The following BACH1 variants were observed in gnomAD, a reference collection of about 807,000 sequenced individuals.
BACH1 encodes BTB domain and CNC homolog 1, also known as transcription regulator protein BACH1.
In BACH1, 35 loss-of-function variants were observed where a neutral mutation model predicts 52.9. That is an observed-to-expected ratio of 0.66 (90% CI 0.51 to 0.88). The LOEUF (loss-of-function observed/expected upper bound fraction) is 0.88. Ranked by LOEUF, BACH1 falls within the 40% of genes least tolerant of loss-of-function variation. The probability of loss-of-function intolerance (pLI) is 0.00; values close to 1 mark genes in which losing one functional copy is unlikely to be tolerated. For missense variants in BACH1, 808 were observed against 872.6 expected (o/e 0.93, Z 0.93); for synonymous variants, 321 against 319.6 (o/e 1.00, Z -0.05).
chr21:29,307,493 T>C (rs1569007160), intron 1 of BACH1, among the ~76,000 whole-genome samples: 1 of 152,230 alleles, frequency 6.6e-6, no homozygotes, highest in Non-Finnish European at 1.5e-5. Context: ...CCCACTGTTT[T>C]ACTTTCAGCA....
chr21:29,322,588 T>C (rs889338870), intron 2 of BACH1, among the ~76,000 whole-genome samples: 8 of 152,198 alleles, frequency 5.3e-5, no homozygotes, highest in Non-Finnish European at 1.2e-4. Context: ...GGCTGTGGCA[T>C]TGGGACACAA....
In BACH1 at chr21:29,342,450, C is replaced by G; in HGVS notation, c.1828C>G (p.Leu610Val). The change falls in exon 5 of 5, where the codon CTG (leucine) becomes GTG (valine). Residue 610 changes from leucine to valine, a missense_variant. Transcript: ENST00000286800. ...GGAAAGAGATCACATTTTGTCAACT[C>G]TGGGTGAGACAAAGCAGAACCTAAC... ...LKERDHILST[L>V]GETKQNLTGL... The G allele has an allele frequency of 6.2e-7, 1 of 1,614,176 alleles. No homozygotes were observed. Among genetic ancestry groups the G allele is most frequent in the African/African-American group, 1.3e-5 (1 of 75,030 alleles).
At chr21:29,338,164 G>A (rs932866241) in intron 4 of BACH1, among the ~76,000 whole-genome samples, 3 of 152,176 alleles carry the variant, frequency 2.0e-5, no homozygotes, top group African/African-American at 7.2e-5. Context: ...AAAACCTGTC[G>A]ATGATTTTAA....
At chr21:29,335,610 C>G (rs2089035662) in intron 4 of BACH1, among the ~76,000 whole-genome samples, 1 of 152,294 alleles carries the variant, frequency 6.6e-6, no homozygotes, top group African/African-American at 2.4e-5. Context: ...CATAAGCAAC[C>G]ATATACTCTG....
At chr21:29,306,667 G>A (rs944896490) in intron 1 of BACH1, among the ~76,000 whole-genome samples, 3 of 152,178 alleles carry the variant, frequency 2.0e-5, no homozygotes, top group Non-Finnish European at 2.9e-5. Flanking sequence ...GTGTTGTGCA[G>A]TTAACAGTGA....
intron 3 of BACH1, 143 bp from the exon 4 acceptor site, chr21:29,329,344 T>TTAAAAA: frequency 5.7e-6 from 3 of 530,174 alleles, no homozygotes; most frequent in South Asian, 5.0e-5. Flanking sequence ...TTTGAGATTG[T>TTAAAAA]ATAGAAATTG....
chr21:29,325,913 G>C, intron 2 of BACH1, 146 bp from the exon 3 acceptor site: 1 of 886,678 alleles, frequency 1.1e-6, no homozygotes, highest in Non-Finnish European at 1.6e-6. Context: ...TTTCTTAGAA[G>C]AATATGTTTT....
downstream of BACH1, among the ~76,000 whole-genome samples, chr21:29,349,764 T>C (rs2089191736): frequency 6.6e-6 from 1 of 152,148 alleles, no homozygotes; most frequent in African/African-American, 2.4e-5. Context: ...AAGAATATAA[T>C]TTTTCTTGGA....
At chr21:29,302,440 G>T (rs2088613947) in intron 1 of BACH1, among the ~76,000 whole-genome samples, 1 of 152,190 alleles carries the variant, frequency 6.6e-6, no homozygotes, top group Non-Finnish European at 1.5e-5. Flanking sequence ...TGACAAAGAA[G>T]CAGTAAGCAG....
Position 29,326,847 on chromosome 21 carries a change from A to C in BACH1, c.1023A>C (p.Gln341His), listed in dbSNP as rs1399479922. 1 of 1,614,238 alleles carries C rather than the reference A, an allele frequency of 6.2e-7. No homozygotes were observed. Among genetic ancestry groups the C allele is most frequent in the South Asian group, 1.1e-5 (1 of 91,092 alleles). ...GTGACTTGAATTTTGCTGGTATGCA[A>C]AACACAACAGTGTTAACAGAAAAGC... ...QYGDLNFAGM[Q>H]NTTVLTEKPL... Residue 341 changes from glutamine to histidine, a missense_variant, in exon 3 of 5, where the codon CAA becomes CAC. Gln to His is a conservative substitution (Grantham distance 24, BLOSUM62 0). Coordinates refer to ENST00000286800, the MANE Select transcript of BACH1 (RefSeq NM_001186.4).
In BACH1 at chr21:29,358,466, G is replaced by A. The variant is rs567159197; in HGVS notation, c.472+28773G>A. Reference sequence around the variant, plus strand: ...ATTAGAAATATAAAAAGTGGGCTGGGCGCCGTGGCTCACGCCTGTAATCCC... The same window carrying A: ...ATTAGAAATATAAAAAGTGGGCTGGACGCCGTGGCTCACGCCTGTAATCCC... On this transcript the variant is annotated intron_variant, in intron 2 of 4. Coordinates refer to the BACH1 transcript ENST00000422809. 5.3e-5 allele frequency among the ~76,000 whole-genome samples: 8 copies of A among 152,292 alleles called. No homozygotes were observed. The South Asian group carries it at 1.5e-3, about 28-fold the overall frequency.
chr21:29,300,622 A>G (rs554233724), intron 1 of BACH1, among the ~76,000 whole-genome samples: 2 of 152,344 alleles, frequency 1.3e-5, no homozygotes, highest in African/African-American at 2.4e-5. Flanking sequence ...GGGTAACCCA[A>G]TAAAAAATAT....
chr21:29,334,227 A>G (rs1460421970), intron 4 of BACH1, among the ~76,000 whole-genome samples: 1 of 151,190 alleles, frequency 6.6e-6, no homozygotes, highest in Non-Finnish European at 1.5e-5. Context: ...CCTCCCGAGT[A>G]GCTGGGACTA....
intron 2 of BACH1, among the ~76,000 whole-genome samples, chr21:29,354,649 C>G (rs943688431): frequency 1.3e-5 from 2 of 152,162 alleles, no homozygotes; most frequent in Non-Finnish European, 2.9e-5. Flanking sequence ...TGTTTCTGTT[C>G]AATGCGATGG....
At chr21:29,299,594 A>G (rs1353561224) in intron 1 of BACH1, 1 of 152,194 alleles carries the variant, frequency 6.6e-6, no homozygotes, top group Non-Finnish European at 1.5e-5. Context: ...GCCTCGCACA[A>G]TATGGTGAGA....
chr21:29,332,929 G>A lies in BACH1; in HGVS notation c.1776+3236G>A, dbSNP rs571260121. On this transcript the variant is annotated intron_variant, in intron 4 of 4. Transcript: ENST00000286800. ...CCTGCACCTAGATAGGCGCCAGTCT[G>A]ACTTCTAAAATAACCCCAGAGAAGT... Among the ~76,000 whole-genome samples the A allele has an allele frequency of 2.0e-5, 3 of 152,254 alleles. No homozygotes were observed. In the East Asian group the frequency reaches 5.8e-4, roughly 29 times the overall value.
At chr21:29,331,238 A>C (rs1044282792) in intron 4 of BACH1, among the ~76,000 whole-genome samples, 1 of 152,196 alleles carries the variant, frequency 6.6e-6, no homozygotes, top group African/African-American at 2.4e-5. Flanking sequence ...AGTGGAATGA[A>C]ATCTACATAA....
intron 2 of BACH1, 130 bp downstream of exon 2, chr21:29,321,644 CCTTT>C: frequency 2.9e-6 from 2 of 682,374 alleles, no homozygotes. Context: ...CTGTGCAACC[CCTTT>C]TTTTTTTTTT....
At chr21:29,341,819 C>G (rs1379194223) in intron 4 of BACH1, among the ~76,000 whole-genome samples, 1 of 152,214 alleles carries the variant, frequency 6.6e-6, no homozygotes, top group Non-Finnish European at 1.5e-5. Flanking sequence ...AGCACAATAT[C>G]TGTCAGAGAA....
Sources: allele counts gnomAD v4.1 joint callset (sites outside exome capture counted in the v4.1 genomes callset), GRCh38; gene constraint gnomAD v4.1.1; transcripts MANE v1.5; gene names NCBI Gene and HGNC (gene_info 2026-07-23, HGNC 2026-07-21).